Variants in LEKR1 observed in about 807,000 individuals in gnomAD.
The protein encoded by LEKR1 is protein LEKR1.
In LEKR1, 59 loss-of-function variants were observed where a neutral mutation model predicts 72.4. The observed-to-expected ratio is 0.82, with a 90% CI of 0.66 to 1.01. LEKR1 has a LOEUF of 1.01. Ranked by LOEUF, LEKR1 falls within the 50% of genes least tolerant of loss-of-function variation. The pLI, the probability that LEKR1 is intolerant of heterozygous loss-of-function variation, is 0.00. For synonymous variants in LEKR1, 257 were observed against 263.2 expected (o/e 0.98, Z 0.23); for missense variants, 728 against 759.2 (o/e 0.96, Z 0.48).
At chr3:156,879,997 G>C (rs1490857459) in intron 3 of LEKR1, among the ~76,000 whole-genome samples, 1 of 152,198 alleles carries the variant, frequency 6.6e-6, no homozygotes, top group Non-Finnish European at 1.5e-5. Context: ...CCTCTGCTAG[G>C]ACAGTGAAGA....
intron 2 of LEKR1, among the ~76,000 whole-genome samples, chr3:156,838,078 G>A (rs758195820): frequency 6.6e-6 from 1 of 152,220 alleles, no homozygotes; most frequent in Non-Finnish European, 1.5e-5. Context: ...TAGCATCCAA[G>A]TATTGACCTG....
intron 3 of LEKR1, among the ~76,000 whole-genome samples, chr3:156,882,924 T>C (rs1375718806): frequency 1.3e-5 from 2 of 151,716 alleles, no homozygotes; most frequent in Non-Finnish European, 2.9e-5. Context: ...ACACCACATA[T>C]TCTCACTCAT....
At chr3:156,917,103 A>T (rs1723730678) in intron 3 of LEKR1, among the ~76,000 whole-genome samples, 1 of 152,144 alleles carries the variant, frequency 6.6e-6, no homozygotes, top group Admixed American at 6.6e-5. Flanking sequence ...AGGGGCAATT[A>T]AAAAAGGCCT....
At chr3:157,018,859 T>A (rs1414009988) in intron 10 of LEKR1, among the ~76,000 whole-genome samples, 3 of 152,234 alleles carry the variant, frequency 2.0e-5, no homozygotes, top group Non-Finnish European at 2.9e-5. Context: ...CCCTAGCTTG[T>A]ATTCATTTAC....
intron 12 of LEKR1, among the ~76,000 whole-genome samples, chr3:157,035,904 A>G (rs866098194): frequency 1.3e-5 from 2 of 152,336 alleles, no homozygotes; most frequent in African/African-American, 2.4e-5. Context: ...TCAAAAATAA[A>G]TAAATAAATA....
chr3:156,929,079 A>G (rs1281943391), intron 5 of LEKR1, among the ~76,000 whole-genome samples: 1 of 152,092 alleles, frequency 6.6e-6, no homozygotes, highest in Non-Finnish European at 1.5e-5. Context: ...GAATAAAAAG[A>G]AAATCTGAGT....
chr3:156,924,619 A>G, intron 4 of LEKR1: 1 of 567,668 alleles, frequency 1.8e-6, no homozygotes, highest in African/African-American at 1.9e-5. Context: ...ATTTCAGCTA[A>G]CTTCTGTGTA....
intron 6 of LEKR1, among the ~76,000 whole-genome samples, chr3:156,962,288 T>C (rs1728198157): frequency 6.6e-6 from 1 of 152,232 alleles, no homozygotes; most frequent in African/African-American, 2.4e-5. Flanking sequence ...TGACCTTGGC[T>C]TCAAATAAAA....
intron 6 of LEKR1, among the ~76,000 whole-genome samples, chr3:156,947,037 G>A (rs1464377420): frequency 6.6e-6 from 1 of 150,748 alleles, no homozygotes; most frequent in Non-Finnish European, 1.5e-5. Flanking sequence ...TGGGTTAAAG[G>A]TTTGTTAATT....
At chr3:156,893,928 G>A (rs1043044293) in intron 3 of LEKR1, among the ~76,000 whole-genome samples, 1 of 152,200 alleles carries the variant, frequency 6.6e-6, no homozygotes, top group Non-Finnish European at 1.5e-5. Flanking sequence ...GGAACAGGAT[G>A]GGACACATTG....
At chr3:157,023,150 C>T (rs1193050281) in intron 10 of LEKR1, among the ~76,000 whole-genome samples, 11 of 152,122 alleles carry the variant, frequency 7.2e-5, no homozygotes, top group Admixed American at 7.2e-4. Flanking sequence ...ATCACACAGT[C>T]ACCATCAGTT....
intron 3 of LEKR1, among the ~76,000 whole-genome samples, chr3:156,896,169 G>C (rs551231101): frequency 5.3e-5 from 8 of 152,186 alleles, no homozygotes; most frequent in South Asian, 4.2e-4. Context: ...AGAACACATG[G>C]GGGGAAAGAA....
At chr3:156,941,797 A>G (rs1351988111) in intron 5 of LEKR1, among the ~76,000 whole-genome samples, 1 of 152,120 alleles carries the variant, frequency 6.6e-6, no homozygotes, top group East Asian at 1.9e-4. Context: ...AATAGTGCAG[A>G]AAAGACTGAT....
chr3:156,905,028 A>G (rs924407641), intron 3 of LEKR1, among the ~76,000 whole-genome samples: 8 of 152,154 alleles, frequency 5.3e-5, no homozygotes, highest in African/African-American at 1.9e-4. Flanking sequence ...ACCTACATTG[A>G]GTCAGTCCAG....
At chr3:156,841,223 C>T (rs1473596522) in intron 2 of LEKR1, among the ~76,000 whole-genome samples, 5 of 152,054 alleles carry the variant, frequency 3.3e-5, no homozygotes, top group Non-Finnish European at 7.4e-5. Context: ...CCACAGGCAG[C>T]GGGTAAGGCA....
intron 9 of LEKR1, among the ~76,000 whole-genome samples, chr3:157,003,034 T>G (rs1732132543): frequency 6.6e-6 from 1 of 152,160 alleles, no homozygotes; most frequent in Non-Finnish European, 1.5e-5. Flanking sequence ...ACCATCTACT[T>G]TATAGTAAAG....
chr3:156,915,174 T>C (rs1723508613), intron 3 of LEKR1, among the ~76,000 whole-genome samples: 2 of 152,132 alleles, frequency 1.3e-5, no homozygotes, highest in Admixed American at 6.6e-5. Flanking sequence ...TTTAGGTTGA[T>C]TTTGTGTCTT....
intron 3 of LEKR1, chr3:156,888,454 A>G (rs2108556034): frequency 1.5e-6 from 1 of 687,044 alleles, no homozygotes; most frequent in Admixed American, 2.0e-5. Flanking sequence ...CAAAATAAAT[A>G]TTTTTTTGAA....
intron 5 of LEKR1, among the ~76,000 whole-genome samples, chr3:156,936,426 AACACAC>A (rs561039357): frequency 0.024 from 1,857 of 76,928 alleles, 45 homozygotes; most frequent in African/African-American, 0.16. Context: ...GTACAATGAG[AACACAC>A]ACACACACAC....
Sources: gnomAD v4.1 joint callset for allele counts (sites outside exome capture counted in the v4.1 genomes callset) on GRCh38, gnomAD v4.1.1 for gene constraint, MANE v1.5 for transcripts, NCBI Gene and HGNC (gene_info 2026-07-23, HGNC 2026-07-21) for gene names.